The following TRAPPC8 variants were observed in gnomAD, a reference collection of about 807,000 sequenced individuals.
TRAPPC8 encodes trafficking protein particle complex subunit 8.
Under a neutral mutation model 174.3 loss-of-function variants are expected in TRAPPC8, and 54 were observed. That is an observed-to-expected ratio of 0.31 (90% CI 0.25 to 0.39). TRAPPC8 has a LOEUF of 0.39. Ranked by LOEUF, TRAPPC8 falls within the 10% of genes least tolerant of loss-of-function variation. The probability of loss-of-function intolerance (pLI) is 1.00; values close to 1 mark genes in which losing one functional copy is unlikely to be tolerated. For synonymous variants in TRAPPC8, 630 were observed against 579.9 expected, an observed-to-expected ratio of 1.09 and a Z score of -1.24; for missense variants, 1,531 against 1,699.1, an observed-to-expected ratio of 0.90 and a Z score of 1.74.
chr18:31,934,624 T>C (rs192394016), intron 1 of TRAPPC8, among the ~76,000 whole-genome samples: 16 of 152,236 alleles, frequency 1.1e-4, no homozygotes, highest in African/African-American at 3.6e-4. Flanking sequence ...TCCCAGCACT[T>C]TGGTAGGTCA....
intron 12 of TRAPPC8, among the ~76,000 whole-genome samples, chr18:31,890,224 G>A (rs1282044010): frequency 1.3e-5 from 2 of 152,150 alleles, no homozygotes; most frequent in Non-Finnish European, 2.9e-5. Context: ...GACAACTGGG[G>A]CCGGATAAAT....
rs768662708 is a variant in TRAPPC8 at position 31,839,420 on chromosome 18, G to A, written c.3875C>T (p.Pro1292Leu). Residue 1292 changes from proline to leucine, a missense_variant, in exon 27 of 29, where the codon CCA (proline) becomes CTA (leucine). By Grantham distance (98) the Pro-to-Leu change is moderately conservative (BLOSUM62 -3). Coordinates refer to ENST00000283351, the MANE Select transcript of TRAPPC8 (RefSeq NM_014939.5). ...CCTTGAGGAAACTGTAATGTTTTCT[G>A]GCCTGAAAAATTTCAATAGTTCCAT... ...PEMELLKFFR[P>L]ENITVSSRPS... is the part of the protein sequence containing the mutation. 2.5e-6 allele frequency: 4 copies of A among 1,603,376 alleles called. No individual in the cohort carries two copies. The Admixed American group carries it at 6.8e-5, about 27-fold the overall frequency.
At chr18:31,921,538 C>A (rs537254608) in intron 2 of TRAPPC8, among the ~76,000 whole-genome samples, 24 of 151,166 alleles carry the variant, frequency 1.6e-4, no homozygotes, top group Non-Finnish European at 2.8e-4. Context: ...ATCACTTGAA[C>A]TCGGGAGGTG....
chr18:31,836,160 T>A (rs780124667), intron 27 of TRAPPC8, among the ~76,000 whole-genome samples: 18 of 152,202 alleles, frequency 1.2e-4, no homozygotes, highest in Admixed American at 5.9e-4. Flanking sequence ...AAACTAGAGA[T>A]GCCGGTACCC....
At chr18:31,845,389 T>C (rs2033344458) in intron 26 of TRAPPC8, among the ~76,000 whole-genome samples, 2 of 151,574 alleles carry the variant, frequency 1.3e-5, no homozygotes, top group Non-Finnish European at 2.9e-5. Context: ...TTAAAACCTT[T>C]GATAGCATTT....
intron 11 of TRAPPC8, 94 bp from the exon 12 acceptor site, chr18:31,890,960 G>C: frequency 1.7e-6 from 2 of 1,192,600 alleles, no homozygotes; most frequent in Non-Finnish European, 2.3e-6. Context: ...TTAATATATA[G>C]CATATCCAAT....
intron 12 of TRAPPC8, among the ~76,000 whole-genome samples, chr18:31,889,520 G>T (rs1226652496): frequency 1.3e-5 from 2 of 152,134 alleles, no homozygotes; most frequent in African/African-American, 4.8e-5. Context: ...GTCATTTTTT[G>T]AACAGAAACC....
chr18:31,864,879 C>G, intron 18 of TRAPPC8, 98 bp from the exon 19 acceptor site: 1 of 1,134,316 alleles, frequency 8.8e-7, no homozygotes, highest in Non-Finnish European at 1.2e-6. Flanking sequence ...CAGATTATTT[C>G]TAGAAAAATT....
intron 2 of TRAPPC8, among the ~76,000 whole-genome samples, chr18:31,920,945 C>CAA (rs71177808): frequency 2.9e-3 from 221 of 76,106 alleles, no homozygotes; most frequent in South Asian, 6.8e-3. Flanking sequence ...CACTCCGTCT[C>CAA]AAAAAAAAAA....
Position 31,880,093 on chromosome 18 carries a change from ATATATATATAT to A in TRAPPC8, c.1729-5400_1729-5390del, listed in dbSNP as rs1568082756. On this transcript the variant is annotated intron_variant, in intron 12 of 28. Coordinates refer to ENST00000283351, the MANE Select transcript of TRAPPC8 (RefSeq NM_014939.5). ...TACTGAAACTATTGAAAAAAAAAAT[ATATATATATAT>A]ATATATATATATATATATTTTTTTT... Among the ~76,000 whole-genome samples the A allele has an allele frequency of 3.0e-4, 19 of 63,328 alleles. 1 individual carries two copies. Among genetic ancestry groups the A allele is most frequent in the Non-Finnish European group, 3.3e-4 (10 of 30,672 alleles). 41.5% of individuals were successfully genotyped at this position (63,328 alleles called of 152,430 possible). A position where few individuals can be genotyped will look rare whatever the true frequency, so the allele number is the denominator to read the frequency against.
At chr18:31,928,335 C>CTA (rs1193381775) in intron 2 of TRAPPC8, among the ~76,000 whole-genome samples, 1 of 113,570 alleles carries the variant, frequency 8.8e-6, no homozygotes, top group Non-Finnish European at 1.8e-5. Flanking sequence ...GACCTTATCT[C>CTA]TACACACACA....
At chr18:31,895,097 C>G (rs2036129388) in intron 11 of TRAPPC8, among the ~76,000 whole-genome samples, 1 of 152,174 alleles carries the variant, frequency 6.6e-6, no homozygotes, top group Non-Finnish European at 1.5e-5. Context: ...AGTCAAAGCA[C>G]AGCTCCTCCT....
At chr18:31,899,570 A>G (rs2036325122) in intron 10 of TRAPPC8, among the ~76,000 whole-genome samples, 1 of 152,218 alleles carries the variant, frequency 6.6e-6, no homozygotes, top group South Asian at 2.1e-4. Context: ...TCCGAAAAAT[A>G]ACTTTTATTA....
chr18:31,881,460 A>G (rs1211943030), intron 12 of TRAPPC8, among the ~76,000 whole-genome samples: 2 of 152,048 alleles, frequency 1.3e-5, no homozygotes, highest in Non-Finnish European at 2.9e-5. Flanking sequence ...ATGAAACTAG[A>G]CCCCTACCTA....
Position 31,857,805 on chromosome 18 carries a change from A to C in TRAPPC8, c.2923T>G (p.Ser975Ala). ...GTCTTGTAAGCACTACAATTCTCAG[A>C]AGCTGAGGGACTTAGTGGTGTTAGA... ...AVLTPLSPSA[S>A]ENCSAYKTVV... The change falls in exon 20 of 29, where the codon TCT becomes GCT. Residue 975 changes from serine (S) to alanine (A), a missense_variant. Physicochemically the swap from Ser to Ala is moderately conservative, Grantham distance 99 (BLOSUM62 1). Transcript: ENST00000283351. 6.2e-7 allele frequency: 1 copy of C among 1,614,196 alleles called. No individual in the cohort carries two copies. The highest frequency in any genetic ancestry group is 1.1e-5 in the South Asian group (1 of 91,082).
At chr18:31,864,136 A>G (rs1236525322) in intron 19 of TRAPPC8, among the ~76,000 whole-genome samples, 1 of 150,562 alleles carries the variant, frequency 6.6e-6, no homozygotes, top group Non-Finnish European at 1.5e-5. Context: ...TCAACTAAAT[A>G]ATACATTTCT....
At chr18:31,928,154 TA>T (rs905401658) in intron 2 of TRAPPC8, among the ~76,000 whole-genome samples, 2 of 147,730 alleles carry the variant, frequency 1.4e-5, no homozygotes, top group Admixed American at 1.4e-4. Flanking sequence ...AGACTCCGAC[TA>T]AAAAAAATAA....
At chr18:31,922,472 C>T (rs949823270) in intron 2 of TRAPPC8, among the ~76,000 whole-genome samples, 2 of 151,726 alleles carry the variant, frequency 1.3e-5, no homozygotes, top group African/African-American at 2.4e-5. Flanking sequence ...GAGGCTGTAG[C>T]GCTGGCTACT....
chr18:31,876,887 C>A (rs999198079), intron 12 of TRAPPC8, among the ~76,000 whole-genome samples: 5 of 152,208 alleles, frequency 3.3e-5, no homozygotes, highest in African/African-American at 4.8e-5. Flanking sequence ...TGCCCGCCCT[C>A]CTTTCAGGCC....
Sources: allele counts gnomAD v4.1 joint callset (sites outside exome capture counted in the v4.1 genomes callset), GRCh38; gene constraint gnomAD v4.1.1; transcripts MANE v1.5; gene names NCBI Gene and HGNC (gene_info 2026-07-23, HGNC 2026-07-21).